SMAD1: variants seen among roughly 807,000 people sequenced by gnomAD.
SMAD1 encodes MAD, mothers against decapentaplegic homolog 1.
SMAD1 carries 6 observed loss-of-function variants against 41.6 expected under a neutral mutation model. The observed-to-expected ratio is 0.14, with a 90% CI of 0.08 to 0.28. SMAD1 has a LOEUF of 0.28. Among genes scored for constraint, SMAD1 ranks in the 10% least tolerant of loss-of-function variants. The pLI is 1.00. For missense variants in SMAD1, 379 were observed against 582.6 expected (o/e 0.65, Z 3.60); for synonymous variants, 206 against 203.2 (o/e 1.01, Z -0.12).
intron 6 of SMAD1, 75 bp from the exon 7 acceptor site, chr4:145,557,716 T>C (rs1732921401): frequency 1.7e-6 from 2 of 1,167,556 alleles, no homozygotes; most frequent in Non-Finnish European, 2.4e-6. Context: ...TCTTTGGTTA[T>C]GTGAACTCTT....
chr4:145,524,756 A>G (rs1447875766), intron 2 of SMAD1, among the ~76,000 whole-genome samples: 1 of 151,156 alleles, frequency 6.6e-6, no homozygotes. Flanking sequence ...AGCAGAAAGA[A>G]CACCAGCCAG....
chr4:145,536,960 G>A (rs913794152), intron 2 of SMAD1, among the ~76,000 whole-genome samples: 1 of 152,062 alleles, frequency 6.6e-6, no homozygotes, highest in African/African-American at 2.4e-5. Context: ...GTTTAATCAC[G>A]GGGAAGCATT....
At chr4:145,537,746 GC>G (rs1255110909) in intron 2 of SMAD1, among the ~76,000 whole-genome samples, 1 of 152,118 alleles carries the variant, frequency 6.6e-6, no homozygotes, top group East Asian at 1.9e-4. Flanking sequence ...ATTGCCCTTT[GC>G]TGTGGCTATT....
intron 5 of SMAD1, among the ~76,000 whole-genome samples, chr4:145,547,347 G>T (rs867389253): frequency 2.0e-5 from 3 of 152,116 alleles, no homozygotes; most frequent in South Asian, 4.1e-4. Context: ...AAGGTGGCAC[G>T]ATAGAACCCT....
At chr4:145,542,851 A>G (rs116788489) in intron 4 of SMAD1, among the ~76,000 whole-genome samples, 153 bp downstream of exon 4, 1,783 of 152,366 alleles carry the variant, frequency 0.012, 32 homozygotes, top group African/African-American at 0.04. Context: ...TTGCTGGATA[A>G]CAAGTAAGTC....
In SMAD1 at chr4:145,557,962, A is replaced by G; in HGVS notation, c.*28A>G. Reference sequence around the variant, plus strand: ...GGCCCCAGGCATCTGCCTCTGGAAAACTATTGAGCCTTGCATGTACTTGAA... The same window carrying G: ...GGCCCCAGGCATCTGCCTCTGGAAAGCTATTGAGCCTTGCATGTACTTGAA... On this transcript the variant is annotated 3_prime_UTR_variant, in exon 7 of 7. Transcript: ENST00000302085. 6.4e-7 allele frequency: 1 copy of G among 1,569,078 alleles called. No homozygotes were observed. Among genetic ancestry groups the G allele is most frequent in the Non-Finnish European group, 8.7e-7 (1 of 1,152,398 alleles).
rs554040525 is a variant in SMAD1, at chr4:145,504,583, AC to A, written c.-176-9854del. On this transcript the variant is annotated intron_variant, in intron 1 of 6. Coordinates refer to ENST00000302085, the MANE Select transcript of SMAD1 (RefSeq NM_005900.3). ...TCCACCTGTCTTCATTTTTAGGGGTACTGTTTTTTAGGGGTACTATTTCTCT... is the reference window on the plus strand; with the variant it reads ...TCCACCTGTCTTCATTTTTAGGGGTATGTTTTTTAGGGGTACTATTTCTCT... Among the ~76,000 whole-genome samples, 84 of 152,182 alleles carry A rather than the reference AC, an allele frequency of 5.5e-4. 1 individual carries two copies. The highest frequency in any genetic ancestry group is 1.8e-3 in the Admixed American group (28 of 15,292).
rs544688294 is a variant in SMAD1, at chr4:145,505,048, A to G, written c.-176-9390A>G. Among the ~76,000 whole-genome samples the G allele has an allele frequency of 2.2e-3, 331 of 152,296 alleles. 4 individuals carry two copies. Among genetic ancestry groups the G allele is most frequent in the African/African-American group, 7.2e-3 (298 of 41,546 alleles). On this transcript the variant is annotated intron_variant, in intron 1 of 6. Coordinates refer to ENST00000302085, the MANE Select transcript of SMAD1 (RefSeq NM_005900.3). The stretch of plus-strand genomic sequence containing the variant: ...TTTCTATAAGTGTCAGGAATTTTTC[A>G]GGTGTCTTTATTATCCTTTGAAATC...
At chr4:145,485,736 GTCA>G (rs1483060778) in intron 1 of SMAD1, among the ~76,000 whole-genome samples, 1 of 152,206 alleles carries the variant, frequency 6.6e-6, no homozygotes, top group Non-Finnish European at 1.5e-5. Flanking sequence ...TATTATTAGT[GTCA>G]TCGATTCTAA....
intron 1 of SMAD1, among the ~76,000 whole-genome samples, chr4:145,491,246 A>T (rs142025149): frequency 6.6e-6 from 1 of 152,344 alleles, no homozygotes; most frequent in African/African-American, 2.4e-5. Flanking sequence ...TTGGTAGTGG[A>T]CGTGAACAAG....
chr4:145,546,717 G>T lies in SMAD1; in HGVS notation c.790G>T (p.Ala264Ser), dbSNP rs1446834454. The T allele has an allele frequency of 1.2e-6, 2 of 1,612,742 alleles. No homozygotes were observed. Among genetic ancestry groups the T allele is most frequent in the Non-Finnish European group, 1.7e-6 (2 of 1,179,538 alleles). Residue 264 changes from alanine to serine, a missense_variant, in exon 5 of 7, where the codon GCT becomes TCT. Ala to Ser is a moderately conservative substitution (Grantham distance 99, BLOSUM62 1). This residue lies in a region of SMAD1 where 208 missense variants were observed against 210.5 expected (regional missense o/e 0.99). Coordinates refer to ENST00000302085, the MANE Select transcript of SMAD1 (RefSeq NM_005900.3). ...CTTTCCTCTAGATGTTCAGGCGGTT[G>T]CTTATGAGGAACCAAAACACTGGTG... ...EINRGDVQAV[A>S]YEEPKHWCSI...
intron 2 of SMAD1, among the ~76,000 whole-genome samples, chr4:145,524,894 C>G (rs1386226300): frequency 6.6e-6 from 1 of 152,122 alleles, no homozygotes; most frequent in Non-Finnish European, 1.5e-5. Context: ...GCCAATGTTT[C>G]CAAGACTAGC....
In SMAD1 at chr4:145,532,793, A is replaced by T. The variant is rs367726022; in HGVS notation, c.401-7011A>T. Among the ~76,000 whole-genome samples the T allele has an allele frequency of 2.0e-5, 3 of 152,314 alleles. No homozygotes were observed. In the East Asian group the frequency reaches 5.8e-4, roughly 29 times the overall value. ...CGAGACATAGAACAAGTCAGAGGGA[A>T]ACACTGCTCACCCTCTCTCCCTTCC... On this transcript the variant is annotated intron_variant, in intron 2 of 6. Transcript: ENST00000302085.
chr4:145,515,605 T>A (rs1730338612), intron 2 of SMAD1, among the ~76,000 whole-genome samples: 1 of 152,210 alleles, frequency 6.6e-6, no homozygotes, highest in Admixed American at 6.5e-5. Flanking sequence ...ATGCTATTAC[T>A]TTATAAAATA....
chr4:145,513,166 A>G (rs1009315982), intron 1 of SMAD1: 5 of 152,344 alleles, frequency 3.3e-5, no homozygotes, highest in Middle Eastern at 3.4e-3. Flanking sequence ...TGCTCATAGC[A>G]TAGCTATTGG....
At chr4:145,486,468 A>T (rs1048499476) in intron 1 of SMAD1, among the ~76,000 whole-genome samples, 1 of 152,282 alleles carries the variant, frequency 6.6e-6, no homozygotes, top group Middle Eastern at 3.4e-3. Flanking sequence ...GGGGATTTTT[A>T]AAAAAACATT....
At chr4:145,499,326 T>C (rs1390501997) in intron 1 of SMAD1, among the ~76,000 whole-genome samples, 3 of 152,180 alleles carry the variant, frequency 2.0e-5, no homozygotes, top group Non-Finnish European at 2.9e-5. Flanking sequence ...ATTATTAAAA[T>C]TATTTTATAA....
rs535115244 is a variant in SMAD1, at chr4:145,543,127, C to T, written c.775+429C>T. ...GATTACAGGTGCACACCATCACGCC[C>T]GACTAATTTTTGTATTTTTAGTAGA... On this transcript the variant is annotated intron_variant, in intron 4 of 6. Coordinates refer to ENST00000302085, the MANE Select transcript of SMAD1 (RefSeq NM_005900.3). Among the ~76,000 whole-genome samples the T allele has an allele frequency of 3.9e-3, 594 of 152,130 alleles. 3 individuals carry two copies. The highest frequency in any genetic ancestry group is 0.013 in the African/African-American group (558 of 41,506).
chr4:145,546,067 GAT>G (rs1444595911), intron 4 of SMAD1: 4 of 152,618 alleles, frequency 2.6e-5, no homozygotes, highest in Non-Finnish European at 5.9e-5. Flanking sequence ...GGATGAGAAA[GAT>G]ATGATTCATT....
Sources: allele counts gnomAD v4.1 joint callset (sites outside exome capture counted in the v4.1 genomes callset), GRCh38; gene constraint gnomAD v4.1.1; regional missense constraint gnomAD v4.1.1; transcripts MANE v1.5; gene names NCBI Gene and HGNC (gene_info 2026-07-23, HGNC 2026-07-21).